Variants in INSYN2B observed in about 807,000 individuals in gnomAD.
INSYN2B encodes the protein protein INSYN2B.
Under a neutral mutation model 41.2 loss-of-function variants are expected in INSYN2B, and 16 were observed. That is an observed-to-expected ratio of 0.39 (90% confidence interval 0.26 to 0.59). The LOEUF (loss-of-function observed/expected upper bound fraction) is 0.59. Among genes scored for constraint, INSYN2B ranks in the 20% least tolerant of loss-of-function variants. INSYN2B has a pLI of 0.57. For missense variants in INSYN2B, 608 were observed against 646.4 expected (o/e 0.94, Z 0.64); for synonymous variants, 245 against 244.4 (o/e 1.00, Z -0.02).
At chr5:169,886,574 T>A (rs1022979085) in intron 1 of INSYN2B, among the ~76,000 whole-genome samples, 22 of 152,314 alleles carry the variant, frequency 1.4e-4, no homozygotes, top group Non-Finnish European at 1.9e-4. Context: ...GTAACAAATA[T>A]GTATTAACAA....
intron 1 of INSYN2B, among the ~76,000 whole-genome samples, chr5:169,965,972 C>T (rs1198333507): frequency 6.6e-6 from 1 of 152,140 alleles, no homozygotes; most frequent in East Asian, 1.9e-4. Flanking sequence ...TCAGCTGGGA[C>T]CTTGGAGACT....
At position 169,961,978 on chromosome 5, in the gene INSYN2B, C is replaced by CAAA. The variant is rs70979150; in HGVS notation, c.-919+18296_-919+18298dup. Among the ~76,000 whole-genome samples the CAAA allele has an allele frequency of 3.1e-4, 23 of 74,636 alleles. 1 individual carries two copies. The highest frequency in any genetic ancestry group is 8.1e-4 in the African/African-American group (12 of 14,776). 49.0% of individuals were successfully genotyped at this position (74,636 alleles called of 152,430 possible). Reference sequence around the variant, plus strand: ...TGGGTGAAAAAGTGAGACTCTGTCCCAAAAAAAAAAAAAAAAATGGAGAAA... The same window carrying CAAA: ...TGGGTGAAAAAGTGAGACTCTGTCCCAAAAAAAAAAAAAAAAAAAATGGAGAAA... On this transcript the variant is annotated intron_variant, in intron 1 of 3. Transcript: ENST00000377365.
At chr5:169,959,484 G>A (rs1776998478) in intron 1 of INSYN2B, among the ~76,000 whole-genome samples, 1 of 152,120 alleles carries the variant, frequency 6.6e-6, no homozygotes, top group South Asian at 2.1e-4. Context: ...AGAAGTTTAT[G>A]GTTCAACATA....
At chr5:169,897,410 C>T (rs755318597) in intron 1 of INSYN2B, among the ~76,000 whole-genome samples, 1 of 152,096 alleles carries the variant, frequency 6.6e-6, no homozygotes. Flanking sequence ...GGGATGGTCT[C>T]GATCTCCTAA....
At chr5:169,871,313 G>A (rs1053071752) in intron 3 of INSYN2B, among the ~76,000 whole-genome samples, 1 of 152,080 alleles carries the variant, frequency 6.6e-6, no homozygotes, top group Non-Finnish European at 1.5e-5. Context: ...TTTATTCTAA[G>A]GAGAAGAAAC....
At chr5:169,938,401 C>T (rs769655547) in intron 1 of INSYN2B, among the ~76,000 whole-genome samples, 3 of 152,178 alleles carry the variant, frequency 2.0e-5, no homozygotes, top group Non-Finnish European at 4.4e-5. Flanking sequence ...AGCCTACCTA[C>T]TACCTAGGCT....
chr5:169,935,770 G>GA (rs368269080), intron 1 of INSYN2B, among the ~76,000 whole-genome samples: 14 of 152,072 alleles, frequency 9.2e-5, no homozygotes, highest in African/African-American at 3.4e-4. Flanking sequence ...CTTCATAGGA[G>GA]AAAAAACGCG....
At chr5:169,897,073 A>C (rs1245632590) in intron 1 of INSYN2B, among the ~76,000 whole-genome samples, 1 of 152,240 alleles carries the variant, frequency 6.6e-6, no homozygotes, top group African/African-American at 2.4e-5. Context: ...GAAAATTATC[A>C]TAAGAATATT....
intron 3 of INSYN2B, among the ~76,000 whole-genome samples, chr5:169,870,044 G>GAA (rs201557908): frequency 0.01 from 1,526 of 152,304 alleles, 24 homozygotes; most frequent in African/African-American, 0.035. Flanking sequence ...ATAGTCCAGG[G>GAA]CATTCATGGT....
At chr5:169,926,253 T>C (rs1775449372) in intron 1 of INSYN2B, among the ~76,000 whole-genome samples, 1 of 152,208 alleles carries the variant, frequency 6.6e-6, no homozygotes, top group South Asian at 2.1e-4. Flanking sequence ...TGATTGTCTC[T>C]CACCTGCCAC....
chr5:169,931,363 G>C (rs1775743942), intron 1 of INSYN2B, among the ~76,000 whole-genome samples: 1 of 152,186 alleles, frequency 6.6e-6, no homozygotes, highest in South Asian at 2.1e-4. Flanking sequence ...GTCTCTCAAA[G>C]GGCTTGCCTT....
rs556158717 is a variant in INSYN2B at position 169,975,536 on chromosome 5, C to T, written c.-919+4741G>A. Among the ~76,000 whole-genome samples the T allele has an allele frequency of 1.2e-4, 18 of 152,282 alleles. No homozygotes were observed. The East Asian group carries it at 2.1e-3, about 18-fold the overall frequency. The stretch of plus-strand genomic sequence containing the variant: ...ACTGAACTTCTTTCAGCTCCTCCGA[C>T]GCTCCAAGCACATCCCACTTCGGGG... On this transcript the variant is annotated intron_variant, in intron 1 of 3. Coordinates refer to ENST00000377365, the MANE Select transcript of INSYN2B (RefSeq NM_001129891.3).
intron 1 of INSYN2B, among the ~76,000 whole-genome samples, chr5:169,966,942 C>T (rs1375095414): frequency 6.6e-6 from 1 of 152,244 alleles, no homozygotes; most frequent in Non-Finnish European, 1.5e-5. Context: ...TAAATTAACA[C>T]ATGCTATGTA....
chr5:169,877,284 AT>A (rs377418140), intron 3 of INSYN2B, among the ~76,000 whole-genome samples: 20 of 152,256 alleles, frequency 1.3e-4, no homozygotes, highest in African/African-American at 4.8e-4. Flanking sequence ...GTCAGATTCT[AT>A]TTTTCAGGTG....
intron 1 of INSYN2B, among the ~76,000 whole-genome samples, chr5:169,974,616 G>T (rs531946637): frequency 6.6e-6 from 1 of 151,998 alleles, no homozygotes; most frequent in East Asian, 1.9e-4. Context: ...GAGTGGGAGC[G>T]GAGCTGCTTA....
intron 1 of INSYN2B, among the ~76,000 whole-genome samples, chr5:169,925,287 C>T (rs1003960986): frequency 1.3e-5 from 2 of 152,090 alleles, no homozygotes; most frequent in Non-Finnish European, 2.9e-5. Flanking sequence ...TGACTGAAAC[C>T]CTGCAGGTAA....
At chr5:169,911,148 A>G (rs1179570697) in intron 1 of INSYN2B, among the ~76,000 whole-genome samples, 2 of 151,918 alleles carry the variant, frequency 1.3e-5, no homozygotes, top group African/African-American at 4.8e-5. Context: ...TTATTTTATT[A>G]TTTTTCACTG....
At chr5:169,936,545 T>C (rs1447531343) in intron 1 of INSYN2B, among the ~76,000 whole-genome samples, 1 of 151,250 alleles carries the variant, frequency 6.6e-6, no homozygotes, top group Non-Finnish European at 1.5e-5. Context: ...TCGATGGGCA[T>C]GTTGGGGAGA....
At chr5:169,897,565 T>A (rs959992262) in intron 1 of INSYN2B, among the ~76,000 whole-genome samples, 3 of 152,152 alleles carry the variant, frequency 2.0e-5, no homozygotes, top group Non-Finnish European at 2.9e-5. Context: ...CACTACTGTA[T>A]CAAGTGGGAA....
Sources: allele counts gnomAD v4.1 joint callset (sites outside exome capture counted in the v4.1 genomes callset), GRCh38; gene constraint gnomAD v4.1.1; transcripts MANE v1.5; gene names NCBI Gene and HGNC (gene_info 2026-07-23, HGNC 2026-07-21).